SMIM24: variants seen among roughly 807,000 people sequenced by gnomAD.
SMIM24 encodes small integral membrane protein 24, also known as MAP17-related dimer.
A neutral mutation model predicts 10.8 loss-of-function variants in SMIM24; 6 were observed. The ratio of observed to expected loss-of-function variants is 0.55; its 90% CI spans 0.30 to 1.09. The LOEUF is 1.09. Ranked by LOEUF, SMIM24 falls within the 50% of genes least tolerant of loss-of-function variation. The probability of loss-of-function intolerance (pLI) is 0.06; values close to 1 mark genes in which losing one functional copy is unlikely to be tolerated. For missense variants in SMIM24, 151 were observed against 153.4 expected (o/e 0.98, Z 0.08); for synonymous variants, 71 against 62.4 (o/e 1.14, Z -0.65).
In SMIM24 at chr19:3,474,822, G is replaced by A. The variant is rs1252218646; in HGVS notation, c.*21C>T. The A allele has an allele frequency of 3.2e-6, 5 of 1,549,378 alleles. No homozygotes were observed. In the South Asian group the frequency reaches 4.8e-5, roughly 15 times the overall value. ...AAGAGGCATCTCTGGGGGACTGCCT[G>A]GAAGAGGCAGCCAGGAATCTTCACA... On this transcript the variant is annotated 3_prime_UTR_variant, in exon 4 of 4. Coordinates refer to ENST00000215531, the MANE Select transcript of SMIM24 (RefSeq NM_001136503.2).
intron 1 of SMIM24, 112 bp from the exon 2 acceptor site, chr19:3,479,041 G>A (rs539511462): frequency 4.8e-6 from 4 of 831,006 alleles, no homozygotes; most frequent in Admixed American, 2.5e-5. Context: ...TCCGACAGAG[G>A]GGGTATTGGA....
At chr19:3,477,587 T>C (rs1363939437) in intron 3 of SMIM24, among the ~76,000 whole-genome samples, 3 of 77,290 alleles carry the variant, frequency 3.9e-5, no homozygotes, top group African/African-American at 1.7e-4. Context: ...GGGTGATGGA[T>C]GGGTGAGTGG....
Position 3,478,474 on chromosome 19 carries a change from C to A in SMIM24, c.184G>T (p.Glu62Ter). Residue 62 changes from glutamate to a stop codon, truncating the protein, a stop_gained, in exon 3 of 4, where the codon GAG becomes TAG. Transcript: ENST00000215531. LOFTEE classifies it high-confidence loss of function. Reference sequence around the variant, plus strand: ...CTGAACGTGGTCTCCTCCTCGTCCTCAGCCCTGCAGAGATAAAGGGAAAGG... The same window carrying A: ...CTGAACGTGGTCTCCTCCTCGTCCTAAGCCCTGCAGAGATAAAGGGAAAGG... ...NRLWCSKARA[E>*]DEEETTFRME... 6.5e-7 allele frequency: 1 copy of A among 1,547,714 alleles called. No individual in the cohort carries two copies. The highest frequency in any genetic ancestry group is 2.0e-5 in the Admixed American group (1 of 50,062).
intron 3 of SMIM24, among the ~76,000 whole-genome samples, chr19:3,478,163 A>G (rs2082801349): frequency 6.6e-6 from 1 of 152,186 alleles, no homozygotes; most frequent in Non-Finnish European, 1.5e-5. Context: ...GTGAACAACT[A>G]AGACAGCTCC....
At position 3,474,625 on chromosome 19, in the gene SMIM24, A is replaced by G. The variant is rs899508555; in HGVS notation, c.*218T>C. ...CCGAGTATAAGAAGAATCACCAGGC[A>G]GGGACCAAGCTCAGGAAGAGGGGTG... On this transcript the variant is annotated 3_prime_UTR_variant, in exon 4 of 4. Coordinates refer to ENST00000215531, the MANE Select transcript of SMIM24 (RefSeq NM_001136503.2). 2 of 566,502 alleles carry G rather than the reference A, an allele frequency of 3.5e-6. No homozygotes were observed. Among genetic ancestry groups the G allele is most frequent in the Non-Finnish European group, 6.1e-6 (2 of 328,890 alleles). The allele number at this position is 566,502 out of a possible 1,614,324, so 35.1% of individuals were successfully genotyped here. A position where few individuals can be genotyped will look rare whatever the true frequency, so the allele number is the denominator to read the frequency against.
Position 3,474,661 on chromosome 19 carries a change from A to G in SMIM24, c.*182T>C, listed in dbSNP as rs892246595. On this transcript the variant is annotated 3_prime_UTR_variant, in exon 4 of 4. Transcript: ENST00000215531. ...TCAGGAAGAGGGGTGCATGAAAACC[A>G]TGTTTGCCCAGAGAGCCCCCAATGA... is the stretch of plus-strand genomic sequence containing the variant. The G allele has an allele frequency of 5.8e-6, 4 of 692,768 alleles. No individual in the cohort carries two copies. The highest frequency in any genetic ancestry group is 9.1e-6 in the Non-Finnish European group (4 of 438,774). 42.9% of individuals were successfully genotyped at this position (692,768 alleles called of 1,614,324 possible). A position where few individuals can be genotyped will look rare whatever the true frequency, so the allele number is the denominator to read the frequency against.
At chr19:3,480,262 G>T in intron 1 of SMIM24, 135 bp downstream of exon 1, 2 of 949,556 alleles carry the variant, frequency 2.1e-6, no homozygotes, top group Non-Finnish European at 3.1e-6. Context: ...TGCGGGGGTT[G>T]AGAAGGGCCT....
chr19:3,479,155 A>T, intron 1 of SMIM24: 1 of 293,050 alleles, frequency 3.4e-6, no homozygotes, highest in Non-Finnish European at 5.9e-6. Context: ...GGGCCCAGAG[A>T]GGGGAGGGGC....
chr19:3,477,298 GGAT>G (rs2082797133), intron 3 of SMIM24, among the ~76,000 whole-genome samples: 1 of 144,308 alleles, frequency 6.9e-6, no homozygotes, highest in Non-Finnish European at 1.5e-5. Flanking sequence ...ATGGATGGAT[GGAT>G]GGATGATAGA....
At position 3,475,842 on chromosome 19, in the gene SMIM24, T is replaced by C. The variant is rs536063315; in HGVS notation, c.240-846A>G. On this transcript the variant is annotated intron_variant, in intron 3 of 3. Transcript: ENST00000215531. ...GGCTGGGTGATTGATGGATGGTGGATGGAAGGATGATAGATGGATGGGTGG... is the reference window on the plus strand; with the variant it reads ...GGCTGGGTGATTGATGGATGGTGGACGGAAGGATGATAGATGGATGGGTGG... Among the ~76,000 whole-genome samples the C allele has an allele frequency of 6.1e-5, 9 of 147,272 alleles. No homozygotes were observed. The Middle Eastern group carries it at 0.019, about 315-fold the overall frequency.
Position 3,480,439 on chromosome 19 carries a change from C to T in SMIM24, c.25G>A (p.Val9Met), listed in dbSNP as rs2082814227. The change falls in exon 1 of 4, where the codon GTG becomes ATG. Residue 9 changes from valine to methionine, a missense_variant. Transcript: ENST00000215531. METLGALL[V>M]LEFLLLSPVE... ...GGGGAGAGGAGCAGAAACTCCAGCA[C>T]CAGAAGGGCCCCCAGGGTCTCCATG... is the stretch of plus-strand genomic sequence containing the variant. 3.2e-6 allele frequency: 5 copies of T among 1,549,316 alleles called. No homozygotes were observed.
intron 3 of SMIM24, among the ~76,000 whole-genome samples, chr19:3,475,494 G>A (rs983319311): frequency 4.0e-5 from 6 of 151,040 alleles, no homozygotes; most frequent in Admixed American, 3.3e-4. Flanking sequence ...CTGGATGAAC[G>A]GGTGGATGGC....
chr19:3,474,709 C>G lies in SMIM24; in HGVS notation c.*134G>C. ...TGAGGGAGGTGGGGTGGGTTCCAAG[C>G]CTTCTTCACTTGAGAACACTGTATT... On this transcript the variant is annotated 3_prime_UTR_variant, in exon 4 of 4. Coordinates refer to ENST00000215531, the MANE Select transcript of SMIM24 (RefSeq NM_001136503.2). 1.7e-6 allele frequency: 2 copies of G among 1,211,384 alleles called. No homozygotes were observed. The highest frequency in any genetic ancestry group is 1.1e-6 in the Non-Finnish European group (1 of 899,348). 75.0% of individuals were successfully genotyped at this position (1,211,384 alleles called of 1,614,324 possible).
intron 3 of SMIM24, among the ~76,000 whole-genome samples, chr19:3,476,736 C>G (rs1355389525): frequency 1.3e-5 from 2 of 148,528 alleles, no homozygotes; most frequent in African/African-American, 2.5e-5. Context: ...GAGCCCCCAG[C>G]CCTGGATGGA....
rs2082784966 is a variant in SMIM24, at chr19:3,474,547, G to T, written c.*296C>A. 5.0e-6 allele frequency: 2 copies of T among 396,520 alleles called. No individual in the cohort carries two copies. Among genetic ancestry groups the T allele is most frequent in the Middle Eastern group, 7.2e-4 (1 of 1,392 alleles). 24.6% of individuals were successfully genotyped at this position (396,520 alleles called of 1,614,324 possible). On this transcript the variant is annotated 3_prime_UTR_variant, in exon 4 of 4. Transcript: ENST00000215531. Reference sequence around the variant, plus strand: ...AATCAGGCAGTGGGGAGAAGCAGGTGGAGCCATGAGATCGTGGAGGATTGC... The same window carrying T: ...AATCAGGCAGTGGGGAGAAGCAGGTTGAGCCATGAGATCGTGGAGGATTGC...
At chr19:3,477,586 ATGGGTGAGTGGG>A (rs1458359092) in intron 3 of SMIM24, among the ~76,000 whole-genome samples, 2 of 88,774 alleles carry the variant, frequency 2.3e-5, no homozygotes, top group Non-Finnish European at 4.4e-5. Flanking sequence ...TGGGTGATGG[ATGGGTGAGTGGG>A]TGGATGGGTG....
chr19:3,478,886 C>G lies in SMIM24; in HGVS notation c.111G>C (p.Ala37=). 1.3e-6 allele frequency: 2 copies of G among 1,549,944 alleles called. No individual in the cohort carries two copies. The highest frequency in any genetic ancestry group is 2.4e-5 in the East Asian group (1 of 40,880). The change falls in exon 2 of 4, where the codon GCG becomes GCC. Residue 37 remains alanine (A), a synonymous_variant. Coordinates refer to ENST00000215531, the MANE Select transcript of SMIM24 (RefSeq NM_001136503.2). The part of the protein sequence containing the change: ...RLKPWLVGLA[A]VVGFLFIVYL... ...AGACGATGAACAGGAAGCCGACTAC[C>G]GCAGCCAGGCCCACCAGCCACGGCT...
chr19:3,476,331 T>C (rs1208930822), intron 3 of SMIM24, among the ~76,000 whole-genome samples: 5 of 151,884 alleles, frequency 3.3e-5, no homozygotes, highest in African/African-American at 9.7e-5. Context: ...CATAGTTCGA[T>C]GGACGCATAG....
At chr19:3,479,794 G>A (rs977227132) in intron 1 of SMIM24, among the ~76,000 whole-genome samples, 1 of 146,664 alleles carries the variant, frequency 6.8e-6, no homozygotes, top group Non-Finnish European at 1.5e-5. Flanking sequence ...GGAGCTCAGA[G>A]GGGAGGGGCT....
Sources: allele counts gnomAD v4.1 joint callset (sites outside exome capture counted in the v4.1 genomes callset), GRCh38; gene constraint gnomAD v4.1.1; transcripts MANE v1.5; gene names NCBI Gene and HGNC (gene_info 2026-07-23, HGNC 2026-07-21).